Variants in PRKG1 observed in about 807,000 individuals in gnomAD.
PRKG1 encodes cGMP-dependent protein kinase 1.
In PRKG1, 35 loss-of-function variants were observed where a neutral mutation model predicts 88.1. That is an observed-to-expected ratio of 0.40 (90% CI 0.30 to 0.53). The LOEUF is 0.53. Ranked by LOEUF, PRKG1 falls within the 20% of genes least tolerant of loss-of-function variation. PRKG1 has a pLI of 0.59. For synonymous variants in PRKG1, 303 were observed against 292.5 expected, an observed-to-expected ratio of 1.04 and a Z score of -0.37; for missense variants, 540 against 839.8, an observed-to-expected ratio of 0.64 and a Z score of 4.41.
At chr10:51,605,803 A>G (rs1457933790) in intron 3 of PRKG1, among the ~76,000 whole-genome samples, 1 of 152,212 alleles carries the variant, frequency 6.6e-6, no homozygotes, top group Non-Finnish European at 1.5e-5. Context: ...CCAATAGAGT[A>G]TAGGACTAAA....
intron 2 of PRKG1, among the ~76,000 whole-genome samples, chr10:51,324,841 AT>A (rs554993920): frequency 1.7e-3 from 258 of 152,364 alleles, no homozygotes; most frequent in Non-Finnish European, 3.0e-3. Context: ...ATTGTGAATA[AT>A]GCTGCAGTAA....
intron 2 of PRKG1, among the ~76,000 whole-genome samples, chr10:51,464,391 C>G (rs1839829550): frequency 1.3e-5 from 2 of 152,162 alleles, no homozygotes; most frequent in East Asian, 3.9e-4. Context: ...TTTAACTTAG[C>G]CTGGAAAAGA....
At chr10:51,303,179 A>G (rs531671572) in intron 2 of PRKG1, among the ~76,000 whole-genome samples, 3 of 152,270 alleles carry the variant, frequency 2.0e-5, no homozygotes, top group African/African-American at 7.2e-5. Flanking sequence ...ACAAAATACC[A>G]TTCTCTGTCC....
intron 4 of PRKG1, among the ~76,000 whole-genome samples, chr10:51,835,775 A>G (rs1464633388): frequency 6.6e-6 from 1 of 152,174 alleles, no homozygotes; most frequent in Non-Finnish European, 1.5e-5. Context: ...GCTGGATCAT[A>G]TGGTAGTTCT....
intron 8 of PRKG1, among the ~76,000 whole-genome samples, chr10:52,156,354 A>G (rs1290938715): frequency 1.3e-5 from 2 of 151,930 alleles, no homozygotes; most frequent in Non-Finnish European, 2.9e-5. Flanking sequence ...TCACGTTCGT[A>G]TTATAAGTCT....
intron 7 of PRKG1, among the ~76,000 whole-genome samples, chr10:52,109,538 G>A (rs1449084734): frequency 1.3e-5 from 2 of 152,086 alleles, no homozygotes; most frequent in African/African-American, 4.8e-5. Flanking sequence ...AGGCCGAGGT[G>A]GGCAGATCAC....
At chr10:51,503,192 A>G (rs181986567) in intron 3 of PRKG1, among the ~76,000 whole-genome samples, 1 of 152,012 alleles carries the variant, frequency 6.6e-6, no homozygotes, top group Admixed American at 6.6e-5. Flanking sequence ...CTACATCCTC[A>G]CTCTGCCACC....
At chr10:51,923,855 G>T (rs1045419476) in intron 5 of PRKG1, among the ~76,000 whole-genome samples, 8 of 151,244 alleles carry the variant, frequency 5.3e-5, no homozygotes, top group Non-Finnish European at 8.8e-5. Flanking sequence ...TTGAGACAGG[G>T]TCTCATTTTG....
At chr10:52,091,022 C>A (rs1847043633) in intron 7 of PRKG1, among the ~76,000 whole-genome samples, 1 of 152,106 alleles carries the variant, frequency 6.6e-6, no homozygotes, top group African/African-American at 2.4e-5. Flanking sequence ...AAACAACATT[C>A]ATTTATTGTC....
chr10:51,720,605 A>G (rs1367021070), intron 3 of PRKG1, among the ~76,000 whole-genome samples: 3 of 152,172 alleles, frequency 2.0e-5, no homozygotes, highest in African/African-American at 7.2e-5. Flanking sequence ...GTCCAAACAG[A>G]AAAGGAGCAC....
At chr10:51,358,472 C>A (rs919304879) in intron 2 of PRKG1, among the ~76,000 whole-genome samples, 2 of 151,862 alleles carry the variant, frequency 1.3e-5, no homozygotes, top group South Asian at 2.1e-4. Context: ...TAAGACCAGG[C>A]AGTCTGGAAT....
chr10:51,712,096 G>A (rs191720584), intron 3 of PRKG1, among the ~76,000 whole-genome samples: 91 of 144,512 alleles, frequency 6.3e-4, no homozygotes, highest in African/African-American at 2.4e-3. Context: ...TGGCAAACAT[G>A]TGTAATTTTA....
intron 2 of PRKG1, among the ~76,000 whole-genome samples, chr10:51,453,038 G>A (rs1308089066): frequency 6.6e-6 from 1 of 151,778 alleles, no homozygotes; most frequent in East Asian, 1.9e-4. Context: ...ATATTTCCAG[G>A]CATTTATCCA....
intron 2 of PRKG1, among the ~76,000 whole-genome samples, chr10:51,214,494 T>G (rs1838317847): frequency 6.6e-6 from 1 of 152,164 alleles, no homozygotes; most frequent in African/African-American, 2.4e-5. Flanking sequence ...AAAACTCTTT[T>G]TTTTTTTGAC....
intron 2 of PRKG1, among the ~76,000 whole-genome samples, chr10:51,286,411 C>T (rs1296051285): frequency 1.3e-5 from 2 of 152,062 alleles, no homozygotes; most frequent in South Asian, 2.1e-4. Flanking sequence ...TTTTTCTTTT[C>T]CATTTTATAC....
At chr10:51,489,916 A>G (rs1312554924) in intron 3 of PRKG1, among the ~76,000 whole-genome samples, 1 of 152,144 alleles carries the variant, frequency 6.6e-6, no homozygotes, top group East Asian at 1.9e-4. Flanking sequence ...ACTATAGTTC[A>G]ACTGAATGTG....
At position 51,908,734 on chromosome 10, in the gene PRKG1, A is replaced by ATATATATATATATTTTTTT. The variant is rs563212069; in HGVS notation, c.762+1165_762+1166insATATATATATATTTTTTTT. On this transcript the variant is annotated intron_variant, in intron 5 of 17. Coordinates refer to ENST00000373980, the MANE Select transcript of PRKG1 (RefSeq NM_006258.4). ...CTCTCTGTCTATCTATCTATATGTA[A>ATATATATATATATTTTTTT]TTTTTTTTTTTTTGAGACAGTGTCT... 29 of 52,226 alleles carry ATATATATATATATTTTTTT rather than the reference A, an allele frequency of 5.6e-4. 2 individuals carry two copies. Among genetic ancestry groups the ATATATATATATATTTTTTT allele is most frequent in the South Asian group, 2.8e-3 (6 of 2,136 alleles). The allele number at this position is 52,226 out of a possible 1,614,324, so 3.2% of individuals were successfully genotyped here.
At chr10:51,832,204 G>T (rs1840022480) in intron 4 of PRKG1, among the ~76,000 whole-genome samples, 1 of 152,082 alleles carries the variant, frequency 6.6e-6, no homozygotes. Context: ...ATATCACAAA[G>T]CTTATGCATA....
At chr10:51,995,601 A>T (rs1250349970) in intron 5 of PRKG1, among the ~76,000 whole-genome samples, 2 of 151,780 alleles carry the variant, frequency 1.3e-5, no homozygotes, top group Admixed American at 1.3e-4. Context: ...CCATATTGTC[A>T]CTTATGTTTG....
Sources: gnomAD v4.1 joint callset for allele counts (sites outside exome capture counted in the v4.1 genomes callset) on GRCh38, gnomAD v4.1.1 for gene constraint, MANE v1.5 for transcripts, NCBI Gene and HGNC (gene_info 2026-07-23, HGNC 2026-07-21) for gene names.